ACTR3C: variants seen among roughly 807,000 people sequenced by gnomAD.
ACTR3C encodes the protein actin related protein 3C.
Under a neutral mutation model 26.3 loss-of-function variants are expected in ACTR3C, and 18 were observed. That is an observed-to-expected ratio of 0.68 (90% CI 0.47 to 1.01). The LOEUF is 1.01. Ranked by LOEUF, ACTR3C falls within the 50% of genes least tolerant of loss-of-function variation. ACTR3C has a pLI of 0.00. For synonymous variants in ACTR3C, 55 were observed against 94.5 expected (o/e 0.58, Z 2.42); for missense variants, 184 against 250.7 (o/e 0.73, Z 1.80).
At chr7:150,294,221 C>T (rs1376768652) in intron 2 of ACTR3C, among the ~76,000 whole-genome samples, 1 of 152,134 alleles carries the variant, frequency 6.6e-6, no homozygotes. Flanking sequence ...TTTTCTTCGT[C>T]GGGGCGGGGA....
the ACTR3C span, among the ~76,000 whole-genome samples, chr7:150,198,224 C>T: frequency 2.0e-5 from 3 of 149,208 alleles, no homozygotes; most frequent in Non-Finnish European, 4.5e-5. Context: ...CCTGCCTTGG[C>T]CTCCCAAAGT....
chr7:150,098,699 C>T, the ACTR3C span, among the ~76,000 whole-genome samples: 2 of 151,780 alleles, frequency 1.3e-5, no homozygotes, highest in South Asian at 2.1e-4. Context: ...CAAAAAGTGG[C>T]ACAGACAATG....
chr7:149,897,061 C>CA, the ACTR3C span, among the ~76,000 whole-genome samples: 1,601 of 50,436 alleles, frequency 0.032, 10 homozygotes, highest in Non-Finnish European at 0.051. Flanking sequence ...ACACCGTCTC[C>CA]AAAAAAAAAA....
At chr7:150,286,803 G>A (rs71537933) in intron 4 of ACTR3C, among the ~76,000 whole-genome samples, 25,608 of 148,904 alleles carry the variant, frequency 0.17, 2,991 homozygotes, top group African/African-American at 0.32. Flanking sequence ...CAATTCTATC[G>A]CTATCATATC....
chr7:150,069,069 G>C, the ACTR3C span, among the ~76,000 whole-genome samples: 2 of 152,088 alleles, frequency 1.3e-5, no homozygotes, highest in African/African-American at 2.4e-5. Flanking sequence ...ATCAAATAGG[G>C]GTATGCCTAA....
At chr7:150,184,995 A>G in the ACTR3C span, among the ~76,000 whole-genome samples, 1 of 151,246 alleles carries the variant, frequency 6.6e-6, no homozygotes, top group South Asian at 2.1e-4. Flanking sequence ...GGATGAGAGG[A>G]AAAGTCCTGT....
chr7:150,041,008 C>A, the ACTR3C span, among the ~76,000 whole-genome samples: 6 of 150,712 alleles, frequency 4.0e-5, no homozygotes, highest in Middle Eastern at 6.8e-3. Context: ...TGTTTAGAGA[C>A]GTAGGCTACC....
chr7:150,284,869 G>T (rs778510716), intron 5 of ACTR3C, 24 bp from the exon 6 acceptor site: 17 of 1,595,362 alleles, frequency 1.1e-5, no homozygotes, highest in African/African-American at 2.7e-5. Context: ...CAATATAAAA[G>T]AAACATTACA....
chr7:150,067,702 G>A, the ACTR3C span, among the ~76,000 whole-genome samples: 1 of 106,706 alleles, frequency 9.4e-6, no homozygotes, highest in East Asian at 2.7e-4. Flanking sequence ...ACCTTCAAAG[G>A]CAGCCACAGG....
At chr7:150,308,789 C>G (rs1796031699) in intron 1 of ACTR3C, among the ~76,000 whole-genome samples, 2 of 152,192 alleles carry the variant, frequency 1.3e-5, no homozygotes, top group African/African-American at 4.8e-5. Flanking sequence ...AGCTCTCCTC[C>G]CACCTGCCCA....
chr7:150,298,876 CA>C (rs1380428945), intron 1 of ACTR3C, among the ~76,000 whole-genome samples: 1 of 150,596 alleles, frequency 6.6e-6, no homozygotes, highest in African/African-American at 2.4e-5. Context: ...TATGAAGAAA[CA>C]ATCTCTATGA....
At chr7:150,018,292 C>T in the ACTR3C span, among the ~76,000 whole-genome samples, 1 of 147,762 alleles carries the variant, frequency 6.8e-6, no homozygotes, top group Non-Finnish European at 1.5e-5. Context: ...GATACACCCA[C>T]CTCGGCCTCC....
At chr7:150,289,728 C>T (rs1836083215) in intron 3 of ACTR3C, 135 bp from the exon 4 acceptor site, 2 of 1,479,580 alleles carry the variant, frequency 1.4e-6, no homozygotes, top group South Asian at 1.4e-5. Context: ...GAATCCCCAC[C>T]CTCTGCAAGC....
chr7:150,094,246 A>C, the ACTR3C span, among the ~76,000 whole-genome samples: 1 of 150,226 alleles, frequency 6.7e-6, no homozygotes, highest in Non-Finnish European at 1.5e-5. Flanking sequence ...AGAATCTACA[A>C]AGAACCATGG....
chr7:150,092,378 G>C, the ACTR3C span, among the ~76,000 whole-genome samples: 2 of 151,724 alleles, frequency 1.3e-5, no homozygotes, highest in East Asian at 3.9e-4. Context: ...CAATGGGTAT[G>C]TTCCAACCAC....
the ACTR3C span, among the ~76,000 whole-genome samples, chr7:149,940,548 T>C: frequency 6.6e-6 from 1 of 152,182 alleles, no homozygotes; most frequent in Non-Finnish European, 1.5e-5. Context: ...GGGCTGCCCC[T>C]ATAGTACTCT....
the ACTR3C span, among the ~76,000 whole-genome samples, chr7:149,942,483 T>C: frequency 6.6e-6 from 1 of 152,224 alleles, no homozygotes; most frequent in Non-Finnish European, 1.5e-5. Context: ...GAAGATCTGA[T>C]GTGGGAAAGG....
At chr7:150,059,670 G>A in the ACTR3C span, among the ~76,000 whole-genome samples, 1 of 151,928 alleles carries the variant, frequency 6.6e-6, no homozygotes, top group African/African-American at 2.4e-5. Context: ...ACACTCTTAT[G>A]TTTATCTGCA....
chr7:149,911,612 T>A, the ACTR3C span, among the ~76,000 whole-genome samples: 4,142 of 151,008 alleles, frequency 0.027, 219 homozygotes, highest in African/African-American at 0.095. Flanking sequence ...ATCACAGACA[T>A]CATCTCCTAC....
Sources: allele counts gnomAD v4.1 joint callset (sites outside exome capture counted in the v4.1 genomes callset), GRCh38; gene constraint gnomAD v4.1.1; transcripts MANE v1.5; gene names NCBI Gene and HGNC (gene_info 2026-07-23, HGNC 2026-07-21).